Variants in WDR59 observed in about 807,000 individuals in gnomAD.
WDR59 encodes the protein WD repeat domain 59.
A neutral mutation model predicts 131.2 loss-of-function variants in WDR59; 100 were observed. That is an observed-to-expected ratio of 0.76 (90% CI 0.65 to 0.90). WDR59 has a LOEUF of 0.90. Ranked by LOEUF, WDR59 falls within the 40% of genes least tolerant of loss-of-function variation. The pLI is 0.00. For missense variants in WDR59, 1,203 were observed against 1,262.2 expected (o/e 0.95, Z 0.71); for synonymous variants, 601 against 466.2 (o/e 1.29, Z -3.72).
At chr16:74,921,810 G>A in intron 10 of WDR59, 137 bp downstream of exon 10, 18 of 1,063,614 alleles carry the variant, frequency 1.7e-5, no homozygotes, top group Non-Finnish European at 2.4e-5. Context: ...GACGAAAGGT[G>A]GCAACAGCCC....
intron 1 of WDR59, among the ~76,000 whole-genome samples, chr16:74,980,676 A>G (rs187867996): frequency 1.3e-5 from 2 of 152,208 alleles, no homozygotes; most frequent in Admixed American, 1.3e-4. Context: ...TTTTAATTTT[A>G]AAAAATTATT....
In WDR59 at chr16:74,888,168, CATATCGACT is replaced by C; in HGVS notation, c.2338_2346del (p.Ser780_Tyr782del). 6.4e-7 allele frequency: 1 copy of C among 1,565,738 alleles called. No homozygotes were observed. The highest frequency in any genetic ancestry group is 8.6e-7 in the Non-Finnish European group (1 of 1,161,544). The stretch of plus-strand genomic sequence containing the variant: ...ACAAAACCAGAAAAGGACAAACTTA[CATATCGACT>C]ATGGGACACCACAAGATTAGAAGAA... On this transcript the variant is annotated inframe_deletion and splice_region_variant, in exon 22 of 26. Transcript: ENST00000262144.
At chr16:74,879,850 C>A (rs1964394916) in intron 25 of WDR59, among the ~76,000 whole-genome samples, 1 of 152,146 alleles carries the variant, frequency 6.6e-6, no homozygotes, top group Admixed American at 6.5e-5. Flanking sequence ...AAGTACCACA[C>A]AAAGGCCTTT....
At position 74,872,361 on chromosome 16, in the gene WDR59, T is replaced by C. The variant is rs1045927287; in HGVS notation, c.*1848A>G. Reference sequence around the variant, plus strand: ...ATTTCAGTAGAAATAATAAAAAAGATTTCTTTTCACTGGCACATACAAAAT... The same window carrying C: ...ATTTCAGTAGAAATAATAAAAAAGACTTCTTTTCACTGGCACATACAAAAT... On this transcript the variant is annotated 3_prime_UTR_variant, in exon 26 of 26. Transcript: ENST00000262144. 4 of 152,142 alleles carry C rather than the reference T, an allele frequency of 2.6e-5. No individual in the cohort carries two copies. Among genetic ancestry groups the C allele is most frequent in the Admixed American group, 2.0e-4 (3 of 15,264 alleles). 9.4% of individuals were successfully genotyped at this position (152,142 alleles called of 1,614,324 possible).
chr16:74,872,662 C>T lies in WDR59; in HGVS notation c.*1547G>A, dbSNP rs1233923983. Reference sequence around the variant, plus strand: ...TAACTACTCAGAACACAGGCAAACACAGGCAGTTTGCGAGGGAGCCTAAAG... The same window carrying T: ...TAACTACTCAGAACACAGGCAAACATAGGCAGTTTGCGAGGGAGCCTAAAG... On this transcript the variant is annotated 3_prime_UTR_variant, in exon 26 of 26. Coordinates refer to ENST00000262144, the MANE Select transcript of WDR59 (RefSeq NM_030581.4). 1 of 152,004 alleles carries T rather than the reference C, an allele frequency of 6.6e-6. No homozygotes were observed. Among genetic ancestry groups the T allele is most frequent in the African/African-American group, 2.4e-5 (1 of 41,362 alleles). The allele number at this position is 152,004 out of a possible 1,614,324, so 9.4% of individuals were successfully genotyped here.
At chr16:74,931,948 T>A (rs2031423811) in intron 8 of WDR59, among the ~76,000 whole-genome samples, 1 of 152,016 alleles carries the variant, frequency 6.6e-6, no homozygotes. Flanking sequence ...TAACAAACTC[T>A]TAATATAAAC....
intron 8 of WDR59, among the ~76,000 whole-genome samples, chr16:74,926,426 A>G (rs2030820799): frequency 6.6e-6 from 1 of 152,186 alleles, no homozygotes; most frequent in African/African-American, 2.4e-5. Flanking sequence ...TTGAAGACAG[A>G]ATAAAGGTTG....
At chr16:74,946,061 G>T (rs189965464) in intron 6 of WDR59, among the ~76,000 whole-genome samples, 1 of 151,974 alleles carries the variant, frequency 6.6e-6, no homozygotes, top group African/African-American at 2.4e-5. Context: ...TGATCCGCCC[G>T]CCTCAGCCTC....
chr16:74,957,301 G>A (rs759173244), intron 2 of WDR59, among the ~76,000 whole-genome samples: 21 of 152,016 alleles, frequency 1.4e-4, no homozygotes, highest in Non-Finnish European at 2.4e-4. Flanking sequence ...GGCTGATCTC[G>A]AACTGCTGAC....
intron 18 of WDR59, among the ~76,000 whole-genome samples, chr16:74,897,225 T>C (rs1259261278): frequency 6.6e-6 from 1 of 152,218 alleles, no homozygotes; most frequent in African/African-American, 2.4e-5. Context: ...CTACTGAAGA[T>C]CTGCAGTTCC....
chr16:74,890,169 G>C (rs1017673936), intron 20 of WDR59, among the ~76,000 whole-genome samples: 1 of 151,738 alleles, frequency 6.6e-6, no homozygotes, highest in Admixed American at 6.6e-5. Flanking sequence ...TTACTTTTTT[G>C]AGACAGAGTC....
intron 1 of WDR59, among the ~76,000 whole-genome samples, chr16:74,971,166 T>C (rs543794787): frequency 1.3e-5 from 2 of 152,304 alleles, no homozygotes; most frequent in African/African-American, 4.8e-5. Flanking sequence ...GTGGTTTCTC[T>C]TGATAATTCC....
intron 18 of WDR59, chr16:74,899,755 C>T: frequency 7.8e-7 from 1 of 1,289,120 alleles, no homozygotes; most frequent in African/African-American, 1.5e-5. Context: ...GAGGAGACAT[C>T]TGTGCATGAA....
intron 2 of WDR59, chr16:74,959,369 A>G: frequency 3.4e-6 from 1 of 297,306 alleles, no homozygotes; most frequent in Non-Finnish European, 6.7e-6. Flanking sequence ...TCCACCGTCT[A>G]CCCACTTAAA....
intron 4 of WDR59, among the ~76,000 whole-genome samples, chr16:74,950,173 C>T (rs1442244791): frequency 2.6e-5 from 4 of 152,080 alleles, no homozygotes; most frequent in Non-Finnish European, 5.9e-5. Flanking sequence ...GAAACCCCGT[C>T]TCTACTAATA....
chr16:74,920,655 T>A (rs2030124102), intron 10 of WDR59, among the ~76,000 whole-genome samples: 1 of 152,204 alleles, frequency 6.6e-6, no homozygotes, highest in Non-Finnish European at 1.5e-5. Flanking sequence ...CCTCCCAAAG[T>A]ACTGAGATTA....
At chr16:74,948,476 C>T in intron 6 of WDR59, 43 bp downstream of exon 6, 1 of 1,590,794 alleles carries the variant, frequency 6.3e-7, no homozygotes, top group Admixed American at 1.7e-5. Context: ...AAAATGAAGA[C>T]AAACCAAGGC....
At chr16:74,899,474 A>G (rs1304983230) in intron 18 of WDR59, among the ~76,000 whole-genome samples, 2 of 152,354 alleles carry the variant, frequency 1.3e-5, no homozygotes, top group South Asian at 2.1e-4. Context: ...AAAAGAGTCC[A>G]TTCAGGATCC....
At chr16:74,972,051 G>T (rs920271145) in intron 1 of WDR59, among the ~76,000 whole-genome samples, 1 of 152,092 alleles carries the variant, frequency 6.6e-6, no homozygotes, top group African/African-American at 2.4e-5. Context: ...CTCAATTGTA[G>T]GAAAACAAAC....
Sources: gnomAD v4.1 joint callset for allele counts (sites outside exome capture counted in the v4.1 genomes callset) on GRCh38, gnomAD v4.1.1 for gene constraint, MANE v1.5 for transcripts, NCBI Gene and HGNC (gene_info 2026-07-23, HGNC 2026-07-21) for gene names.